MAK: variants seen among roughly 807,000 people sequenced by gnomAD.
The protein encoded by MAK is male germ cell associated kinase, also known as serine/threonine-protein kinase MAK.
A neutral mutation model predicts 82.6 loss-of-function variants in MAK; 65 were observed. The ratio of observed to expected loss-of-function variants is 0.79; its 90% CI spans 0.64 to 0.97. The LOEUF (loss-of-function observed/expected upper bound fraction) is 0.97, where lower values mean the gene tolerates loss of function less well. Among genes scored for constraint, MAK ranks in the 50% least tolerant of loss-of-function variants. MAK has a pLI of 0.00. For missense variants in MAK, 703 were observed against 780.2 expected, an observed-to-expected ratio of 0.90 and a Z score of 1.18; for synonymous variants, 250 against 274.2, an observed-to-expected ratio of 0.91 and a Z score of 0.87.
Position 10,817,341 on chromosome 6 carries a change from A to C in MAK, c.278+509T>G, listed in dbSNP as rs115681738. Among the ~76,000 whole-genome samples, 1,413 of 152,330 alleles carry C rather than the reference A, an allele frequency of 9.3e-3. 8 individuals carry two copies. The highest frequency in any genetic ancestry group is 0.015 in the Non-Finnish European group (1,053 of 68,038). On this transcript the variant is annotated intron_variant, in intron 4 of 14. Transcript: ENST00000354489. ...CGGAAGACCAAAGCTCTCCCTTTAC[A>C]GATTCTGCCCACACATATTTAAAAA...
In MAK at chr6:10,803,891, C is replaced by T. The variant is rs1425948622; in HGVS notation, c.492G>A (p.Trp164Ter). The change falls in exon 7 of 15, where the codon TGG becomes TGA. Residue 164 changes from tryptophan (W) to a stop codon, truncating the protein, a stop_gained and splice_region_variant. Coordinates refer to ENST00000354489, the MANE Select transcript of MAK (RefSeq NM_001242957.3). LOFTEE classifies it high-confidence loss of function. Reference sequence around the variant, plus strand: ...TCAGTAAAACTTCAGGGGCACGATACCTATGAAAATAGAGAACAAAAGAGG... The same window carrying T: ...TCAGTAAAACTTCAGGGGCACGATATCTATGAAAATAGAGAACAAAAGAGG... ...PPYTDYVSTRWYRAPEVLLRS... is the reference protein window; with the variant it reads ...PPYTDYVSTR 1.2e-6 allele frequency: 2 copies of T among 1,613,770 alleles called. No homozygotes were observed. The highest frequency in any genetic ancestry group is 1.7e-5 in the Admixed American group (1 of 60,014).
In MAK at chr6:10,784,982, A is replaced by G. The variant is rs532976764; in HGVS notation, c.1317-410T>C. The G allele has an allele frequency of 4.1e-4, 181 of 446,606 alleles. 1 individual carries two copies. The highest frequency in any genetic ancestry group is 2.8e-3 in the South Asian group (175 of 63,492). The allele number at this position is 446,606 out of a possible 1,614,324, so 27.7% of individuals were successfully genotyped here. On this transcript the variant is annotated intron_variant, in intron 10 of 14. Transcript: ENST00000354489. Reference sequence around the variant, plus strand: ...GGGCATGGTTTGGATGGCCTAAAAAACTGAAATGGGGAAAGAAGTGCTAGA... The same window carrying G: ...GGGCATGGTTTGGATGGCCTAAAAAGCTGAAATGGGGAAAGAAGTGCTAGA...
chr6:10,767,460 G>C (rs1390520528), intron 14 of MAK, among the ~76,000 whole-genome samples: 1 of 152,154 alleles, frequency 6.6e-6, no homozygotes, highest in African/African-American at 2.4e-5. Context: ...GGAAGTATTA[G>C]GGGAAGGAGA....
chr6:10,784,653 C>G lies in MAK; in HGVS notation c.1317-81G>C, dbSNP rs73721390. On this transcript the variant is annotated intron_variant, in intron 10 of 14. Coordinates refer to ENST00000354489, the MANE Select transcript of MAK (RefSeq NM_001242957.3). ...ACCCTCTGCACATCTCGCCCACCCT[C>G]TGCACATCTTCCTAAGCCAGTCAAT... 4.9e-3 allele frequency: 6,043 copies of G among 1,244,092 alleles called. 227 individuals are homozygous for G. The African/African-American group carries it at 0.081, about 17-fold the overall frequency. The allele number at this position is 1,244,092 out of a possible 1,614,324, so 77.1% of individuals were successfully genotyped here.
intron 8 of MAK, among the ~76,000 whole-genome samples, chr6:10,799,140 A>G (rs1270490138): frequency 1.3e-5 from 2 of 152,082 alleles, no homozygotes; most frequent in African/African-American, 2.4e-5. Flanking sequence ...ATGGTTGGAA[A>G]CATTTTGATT....
At position 10,773,027 on chromosome 6, in the gene MAK, A is replaced by T; in HGVS notation, c.1672+7T>A. On this transcript the variant is annotated splice_region_variant and intron_variant, in intron 13 of 14. Coordinates refer to ENST00000354489, the MANE Select transcript of MAK (RefSeq NM_001242957.3). ...CAAACTGCATTCATCTGACGCCCAG[A>T]AATTACCTTGTGGGTCCTCTAATTT... 6.6e-7 allele frequency: 1 copy of T among 1,522,158 alleles called. No individual in the cohort carries two copies. The highest frequency in any genetic ancestry group is 1.4e-5 in the African/African-American group (1 of 72,880). The allele number at this position is 1,522,158 out of a possible 1,614,324, so 94.3% of individuals were successfully genotyped here.
rs1776771172 is a variant in MAK, at chr6:10,809,742, G to A, written c.359-800C>T. Among the ~76,000 whole-genome samples, 3 of 152,240 alleles carry A rather than the reference G, an allele frequency of 2.0e-5. No homozygotes were observed. In the South Asian group the frequency reaches 6.2e-4, roughly 32 times the overall value. On this transcript the variant is annotated intron_variant, in intron 5 of 14. Transcript: ENST00000354489. Reference sequence around the variant, plus strand: ...CCCAATAATTATAATGTTTATATTAGCAATTCAATCTATAAAATAAATGGT... The same window carrying A: ...CCCAATAATTATAATGTTTATATTAACAATTCAATCTATAAAATAAATGGT...
chr6:10,768,356 T>A (rs1256091261), intron 14 of MAK, among the ~76,000 whole-genome samples: 1 of 152,078 alleles, frequency 6.6e-6, no homozygotes. Flanking sequence ...GGCAGGTGAA[T>A]CATTTGAGGT....
chr6:10,789,162 G>GAAAAAAAA (rs58231573), intron 10 of MAK, among the ~76,000 whole-genome samples: 1 of 79,996 alleles, frequency 1.3e-5, no homozygotes. Flanking sequence ...AAGCAAAAAA[G>GAAAAAAAA]AAAAAAAAAA....
chr6:10,778,343 TAACAG>T (rs1453067564), intron 11 of MAK, among the ~76,000 whole-genome samples: 2 of 152,062 alleles, frequency 1.3e-5, no homozygotes, highest in Non-Finnish European at 2.9e-5. Flanking sequence ...AGGGGGCAAA[TAACAG>T]AAGCAACTCA....
chr6:10,780,408 T>A (rs1349691604), intron 11 of MAK: 2 of 158,094 alleles, frequency 1.3e-5, no homozygotes, highest in East Asian at 1.9e-4. Flanking sequence ...CTTCTGTAAG[T>A]AAGAAGATAC....
At chr6:10,803,954 G>T in intron 6 of MAK, 63 bp from the exon 7 acceptor site, 1 of 1,359,416 alleles carries the variant, frequency 7.4e-7, no homozygotes, top group Non-Finnish European at 1.1e-6. Flanking sequence ...ATGGGCAGTA[G>T]CATTCTACGC....
intron 2 of MAK, among the ~76,000 whole-genome samples, chr6:10,825,688 C>T (rs971361413): frequency 2.0e-5 from 3 of 152,122 alleles, no homozygotes; most frequent in African/African-American, 7.2e-5. Flanking sequence ...CACCACTATA[C>T]ATTTAAGCCA....
chr6:10,791,374 C>A (rs980412217), intron 10 of MAK, among the ~76,000 whole-genome samples: 3 of 152,136 alleles, frequency 2.0e-5, no homozygotes, highest in Non-Finnish European at 4.4e-5. Flanking sequence ...TCAAGAAATT[C>A]TCATGTCTCA....
At position 10,775,323 on chromosome 6, in the gene MAK, G is replaced by GT. The variant is rs778816144; in HGVS notation, c.1597+4dup. 24 of 1,612,540 alleles carry GT rather than the reference G, an allele frequency of 1.5e-5. 1 individual carries two copies. Among genetic ancestry groups the GT allele is most frequent in the Non-Finnish European group, 1.7e-6 (2 of 1,179,100 alleles). On this transcript the variant is annotated splice_donor_region_variant and intron_variant, in intron 12 of 14. Transcript: ENST00000354489. ...GTACATGTACATTTTGTATTCTTGC[G>GT]TTACCTGCATTGCTCCTTTTGAAAG...
At chr6:10,797,922 T>C (rs1161103604) in intron 8 of MAK, 1 of 1,257,068 alleles carries the variant, frequency 8.0e-7, no homozygotes, top group Non-Finnish European at 1.0e-6. Flanking sequence ...ACTTGCATTC[T>C]CAGTGGAATA....
At chr6:10,803,119 C>T (rs1776142103) in intron 7 of MAK, among the ~76,000 whole-genome samples, 1 of 152,126 alleles carries the variant, frequency 6.6e-6, no homozygotes, top group Admixed American at 6.5e-5. Flanking sequence ...TGGGCATCAC[C>T]CCCAAGTTAC....
At chr6:10,778,856 G>T (rs1433246828) in intron 11 of MAK, among the ~76,000 whole-genome samples, 1 of 152,056 alleles carries the variant, frequency 6.6e-6, no homozygotes, top group Non-Finnish European at 1.5e-5. Flanking sequence ...GGCCAGGTGC[G>T]GTGGCTCATG....
At chr6:10,824,935 C>G (rs1451263554) in intron 2 of MAK, among the ~76,000 whole-genome samples, 1 of 152,186 alleles carries the variant, frequency 6.6e-6, no homozygotes, top group African/African-American at 2.4e-5. Flanking sequence ...CCATTTCCAG[C>G]CCCTTTCCTT....
Sources: gnomAD v4.1 joint callset for allele counts (sites outside exome capture counted in the v4.1 genomes callset) on GRCh38, gnomAD v4.1.1 for gene constraint, MANE v1.5 for transcripts, NCBI Gene and HGNC (gene_info 2026-07-23, HGNC 2026-07-21) for gene names.